The following PRKN variants were observed in gnomAD, a reference collection of about 807,000 sequenced individuals.
The protein encoded by PRKN is E3 ubiquitin-protein ligase parkin.
A neutral mutation model predicts 59.5 loss-of-function variants in PRKN; 56 were observed. That is an observed-to-expected ratio of 0.94 (90% CI 0.76 to 1.18). The LOEUF is 1.18. Among genes scored for constraint, PRKN ranks in the 50% most tolerant of loss-of-function variants. The probability of loss-of-function intolerance (pLI) is 0.00; values close to 1 mark genes in which losing one functional copy is unlikely to be tolerated. For synonymous variants in PRKN, 250 were observed against 222.1 expected (o/e 1.13, Z -1.12); for missense variants, 657 against 596.4 (o/e 1.10, Z -1.06).
chr6:161,974,842 G>T (rs909430331), intron 5 of PRKN, among the ~76,000 whole-genome samples: 4 of 152,254 alleles, frequency 2.6e-5, no homozygotes, highest in African/African-American at 7.2e-5. Flanking sequence ...TACGCATTAA[G>T]TGCTTTTGGT....
intron 1 of PRKN, among the ~76,000 whole-genome samples, chr6:162,615,235 T>C (rs1460234127): frequency 6.6e-6 from 1 of 152,166 alleles, no homozygotes; most frequent in African/African-American, 2.4e-5. Context: ...AATTAACAAT[T>C]TTTGGTGAGT....
chr6:161,777,757 G>GTA (rs1554304259), intron 7 of PRKN, among the ~76,000 whole-genome samples: 1 of 135,260 alleles, frequency 7.4e-6, no homozygotes, highest in African/African-American at 2.9e-5. Flanking sequence ...AGATATATAT[G>GTA]TATATGTATA....
At chr6:161,913,727 T>A (rs1168364989) in intron 6 of PRKN, among the ~76,000 whole-genome samples, 1 of 152,228 alleles carries the variant, frequency 6.6e-6, no homozygotes, top group African/African-American at 2.4e-5. Context: ...TGTTATGGAC[T>A]GAATGCTTGT....
At chr6:162,417,144 A>AT (rs61685989) in intron 2 of PRKN, among the ~76,000 whole-genome samples, 1 of 152,154 alleles carries the variant, frequency 6.6e-6, no homozygotes, top group African/African-American at 2.4e-5. Flanking sequence ...AGGAGTTTTT[A>AT]TTTTTTATTT....
intron 2 of PRKN, among the ~76,000 whole-genome samples, chr6:162,307,758 G>T (rs1207050435): frequency 6.6e-6 from 1 of 152,132 alleles, no homozygotes; most frequent in African/African-American, 2.4e-5. Flanking sequence ...TATAAACTCA[G>T]ATGTGAACAA....
At chr6:162,409,588 T>C (rs1788250865) in intron 2 of PRKN, among the ~76,000 whole-genome samples, 2 of 152,214 alleles carry the variant, frequency 1.3e-5, no homozygotes, top group Admixed American at 1.3e-4. Flanking sequence ...AATAGAATCA[T>C]GAGATTGAAC....
rs1373547011 is a variant in PRKN, at chr6:161,428,158, C to T, written c.1084-41281G>A. Among the ~76,000 whole-genome samples, 1 of 152,172 alleles carries T rather than the reference C, an allele frequency of 6.6e-6. No homozygotes were observed. Among genetic ancestry groups the T allele is most frequent in the African/African-American group, 2.4e-5 (1 of 41,430 alleles). On this transcript the variant is annotated intron_variant, in intron 9 of 11. Coordinates refer to ENST00000366898, the MANE Select transcript of PRKN (RefSeq NM_004562.3). The surrounding 1 kb of genome is among the most constrained non-coding windows in gnomAD (Gnocchi z 4.0). ...TGTGGGGGCCTTCCTCAAAGCCGTG[C>T]GCCTCCATCTCAGGGCAACATAGGG...
At chr6:162,013,943 T>C (rs1352834110) in intron 5 of PRKN, among the ~76,000 whole-genome samples, 1 of 152,154 alleles carries the variant, frequency 6.6e-6, no homozygotes, top group African/African-American at 2.4e-5. Context: ...TAATTGGTTT[T>C]AGTTTGTTTT....
chr6:161,754,654 TC>T (rs1463581172), intron 7 of PRKN, among the ~76,000 whole-genome samples: 2 of 152,096 alleles, frequency 1.3e-5, no homozygotes, highest in Admixed American at 1.3e-4. Flanking sequence ...GGGGGCCAAC[TC>T]ACATCCCTTT....
chr6:162,175,198 C>A (rs546113578), intron 4 of PRKN, among the ~76,000 whole-genome samples: 2 of 152,322 alleles, frequency 1.3e-5, no homozygotes, highest in East Asian at 3.9e-4. Flanking sequence ...AGTCTCCCTC[C>A]AGGCAAGCTG....
intron 2 of PRKN, among the ~76,000 whole-genome samples, chr6:162,412,654 G>C (rs931625615): frequency 3.3e-5 from 5 of 152,068 alleles, no homozygotes; most frequent in Non-Finnish European, 7.4e-5. Flanking sequence ...AAATACAACT[G>C]TGCTTTCTAA....
chr6:162,637,473 C>T (rs1309475354), intron 1 of PRKN, among the ~76,000 whole-genome samples: 3 of 152,036 alleles, frequency 2.0e-5, no homozygotes, highest in East Asian at 1.9e-4. Flanking sequence ...CATGAGAAAC[C>T]CCTGAGCACA....
At chr6:162,067,542 A>G (rs1778390350) in intron 4 of PRKN, among the ~76,000 whole-genome samples, 1 of 152,194 alleles carries the variant, frequency 6.6e-6, no homozygotes, top group Non-Finnish European at 1.5e-5. Context: ...TGACCATAAA[A>G]CCCAAACTTT....
chr6:162,017,542 T>C (rs2128273617), intron 5 of PRKN, among the ~76,000 whole-genome samples: 1 of 152,348 alleles, frequency 6.6e-6, no homozygotes, highest in Non-Finnish European at 1.5e-5. Flanking sequence ...CTGAAAATTT[T>C]AACCATTGTA....
At chr6:162,047,740 A>C (rs1311690032) in intron 5 of PRKN, among the ~76,000 whole-genome samples, 1 of 152,220 alleles carries the variant, frequency 6.6e-6, no homozygotes, top group African/African-American at 2.4e-5. Context: ...TACGGAAATG[A>C]CTTCTGACAT....
chr6:162,176,823 C>T (rs1439013897), intron 4 of PRKN, among the ~76,000 whole-genome samples: 1 of 151,908 alleles, frequency 6.6e-6, no homozygotes, highest in Non-Finnish European at 1.5e-5. Context: ...AAAACCCTAC[C>T]TAATGTATGG....
chr6:162,005,631 C>T (rs1300602554), intron 5 of PRKN, among the ~76,000 whole-genome samples: 2 of 152,004 alleles, frequency 1.3e-5, no homozygotes, highest in Admixed American at 6.6e-5. Flanking sequence ...ATTGCCCTGC[C>T]GAGAATGCCT....
At chr6:161,823,814 C>G (rs1792133862) in intron 6 of PRKN, among the ~76,000 whole-genome samples, 1 of 152,098 alleles carries the variant, frequency 6.6e-6, no homozygotes, top group Non-Finnish European at 1.5e-5. Context: ...CTTGCTTGGG[C>G]CTGTCAGGAG....
At chr6:162,558,211 G>T (rs1779688490) in intron 1 of PRKN, among the ~76,000 whole-genome samples, 1 of 151,922 alleles carries the variant, frequency 6.6e-6, no homozygotes, top group African/African-American at 2.4e-5. Flanking sequence ...TATATTATCA[G>T]GAATCTCAAA....
Sources: gnomAD v4.1 joint callset for allele counts (sites outside exome capture counted in the v4.1 genomes callset) on GRCh38, gnomAD v4.1.1 for gene constraint, Gnocchi (gnomAD v3.1) non-coding constraint, MANE v1.5 for transcripts, NCBI Gene and HGNC (gene_info 2026-07-23, HGNC 2026-07-21) for gene names.